Variants in EBF3 observed in about 807,000 individuals in gnomAD.
The protein encoded by EBF3 is transcription factor COE3.
A neutral mutation model predicts 77.1 loss-of-function variants in EBF3; 18 were observed. That is an observed-to-expected ratio of 0.23 (90% CI 0.16 to 0.35). The LOEUF is 0.35. EBF3 is among the 10% of genes least tolerant of loss of function. The pLI is 1.00. For synonymous variants in EBF3, 350 were observed against 343.5 expected (o/e 1.02, Z -0.21); for missense variants, 558 against 860.0 (o/e 0.65, Z 4.39).
intron 14 of EBF3, 51 bp downstream of exon 14, chr10:129,840,793 G>C: frequency 6.3e-7 from 1 of 1,575,272 alleles, no homozygotes; most frequent in Non-Finnish European, 8.6e-7. Flanking sequence ...CACTCGACTC[G>C]GTAGTGAATA....
rs1316001766 is a variant in EBF3, at chr10:129,947,238, C to G, written c.554+10020G>C. On this transcript the variant is annotated intron_variant, in intron 6 of 16. Transcript: ENST00000440978. This position sits in a 1 kb window ranked among gnomAD's most constrained non-coding sequence, Gnocchi z 4.5. ...CATCCCGGCACACTGATCTGATTTA[C>G]AAACCTTTCCTAATGGGAAACAAAT... Among the ~76,000 whole-genome samples, 1 of 152,244 alleles carries G rather than the reference C, an allele frequency of 6.6e-6. No homozygotes were observed. The highest frequency in any genetic ancestry group is 1.5e-5 in the Non-Finnish European group (1 of 68,054).
chr10:129,940,993 C>T (rs1857695407), intron 6 of EBF3, among the ~76,000 whole-genome samples: 1 of 152,202 alleles, frequency 6.6e-6, no homozygotes, highest in Admixed American at 6.5e-5. Flanking sequence ...TGGGACCCAC[C>T]CCAGCAGTGA....
At chr10:129,942,420 C>A (rs1484038361) in intron 6 of EBF3, among the ~76,000 whole-genome samples, 1 of 152,130 alleles carries the variant, frequency 6.6e-6, no homozygotes, top group Non-Finnish European at 1.5e-5. Flanking sequence ...AGGTAAATGC[C>A]AAACAAAACA....
chr10:129,865,536 C>T (rs1418719416), intron 10 of EBF3, among the ~76,000 whole-genome samples: 2 of 152,076 alleles, frequency 1.3e-5, no homozygotes, highest in African/African-American at 4.8e-5. Context: ...AGAAGGTGGC[C>T]CCTAGTGTGG....
chr10:129,852,923 A>T (rs1850996135), intron 10 of EBF3, among the ~76,000 whole-genome samples: 1 of 152,324 alleles, frequency 6.6e-6, no homozygotes, highest in East Asian at 1.9e-4. Context: ...CCGAGAGCAG[A>T]GGGAACTGCT....
intron 6 of EBF3, among the ~76,000 whole-genome samples, chr10:129,939,837 T>G (rs1347676946): frequency 6.6e-6 from 1 of 152,236 alleles, no homozygotes; most frequent in Non-Finnish European, 1.5e-5. Flanking sequence ...GAACCGACCT[T>G]ACGGTTGCAC....
chr10:129,932,595 G>A (rs1857096962), intron 6 of EBF3, among the ~76,000 whole-genome samples: 1 of 152,212 alleles, frequency 6.6e-6, no homozygotes, highest in Admixed American at 6.5e-5. Context: ...AGGGCAGGGG[G>A]CACATGGTGT....
rs1048460829 is a variant in EBF3 at position 129,944,241 on chromosome 10, G to A, written c.554+13017C>T. Among the ~76,000 whole-genome samples the A allele has an allele frequency of 1.2e-4, 18 of 152,152 alleles. No homozygotes were observed. The highest frequency in any genetic ancestry group is 1.6e-4 in the Non-Finnish European group (11 of 68,034). ...ACATTAAAATATATTGTTTATTTGC[G>A]GGTGGGGTCATTTCTCCTTTCAGAT... is the stretch of plus-strand genomic sequence containing the variant. On this transcript the variant is annotated intron_variant, in intron 6 of 16. Transcript: ENST00000440978. The surrounding 1 kb of genome is among the most constrained non-coding windows in gnomAD (Gnocchi z 5.1).
chr10:129,875,709 G>T (rs1056794529), intron 7 of EBF3, among the ~76,000 whole-genome samples: 6 of 152,238 alleles, frequency 3.9e-5, no homozygotes, highest in Non-Finnish European at 5.9e-5. Flanking sequence ...CCAGCCTTGG[G>T]TATCTCAGCA....
intron 5 of EBF3, 52 bp from the exon 6 acceptor site, chr10:129,957,378 C>T (rs376839458): frequency 2.6e-5 from 38 of 1,463,874 alleles, no homozygotes; most frequent in African/African-American, 1.5e-4. Flanking sequence ...CCCTTTTATG[C>T]CCGACTTGTA....
At chr10:129,871,917 A>C (rs942308099) in intron 8 of EBF3, among the ~76,000 whole-genome samples, 1 of 152,190 alleles carries the variant, frequency 6.6e-6, no homozygotes, top group Non-Finnish European at 1.5e-5. Context: ...ACAGGAAAAA[A>C]TCCTGAGCAA....
In EBF3 at chr10:129,897,680, T is replaced by C. The variant is rs1462663149; in HGVS notation, c.555-19831A>G. Among the ~76,000 whole-genome samples, 9 of 152,132 alleles carry C rather than the reference T, an allele frequency of 5.9e-5. No homozygotes were observed. The highest frequency in any genetic ancestry group is 4.6e-4 in the Admixed American group (7 of 15,278). ...CTGACGGACAGCTGACATTCTCCTA[T>C]TTATTATCAAGAAGTACAAGTTTTG... On this transcript the variant is annotated intron_variant, in intron 6 of 16. Transcript: ENST00000440978. This position sits in a 1 kb window ranked among gnomAD's most constrained non-coding sequence, Gnocchi z 4.6.
intron 6 of EBF3, among the ~76,000 whole-genome samples, chr10:129,880,489 GCACA>G (rs977985210): frequency 6.7e-6 from 1 of 150,234 alleles, no homozygotes; most frequent in Admixed American, 7.2e-5. Flanking sequence ...ACATACATAT[GCACA>G]CACACATACA....
chr10:129,913,247 C>T (rs951267591), intron 6 of EBF3, among the ~76,000 whole-genome samples: 2 of 152,252 alleles, frequency 1.3e-5, no homozygotes, highest in Non-Finnish European at 2.9e-5. Flanking sequence ...GATAACAAAA[C>T]ATTGTCATTA....
rs917757673 is a variant in EBF3 at position 129,861,353 on chromosome 10, C to A, written c.1039+5788G>T. Among the ~76,000 whole-genome samples, 1 of 152,192 alleles carries A rather than the reference C, an allele frequency of 6.6e-6. No homozygotes were observed. Among genetic ancestry groups the A allele is most frequent in the East Asian group, 1.9e-4 (1 of 5,190 alleles). On this transcript the variant is annotated intron_variant, in intron 10 of 16. Coordinates refer to ENST00000440978, the MANE Select transcript of EBF3 (RefSeq NM_001375380.1). The surrounding 1 kb of genome is among the most constrained non-coding windows in gnomAD (Gnocchi z 4.3). ...GAAAAAAAAAGTCACCCTTTGCCAT[C>A]CATATTTAAACAAAGGACAAAAACT...
intron 6 of EBF3, among the ~76,000 whole-genome samples, chr10:129,950,834 G>C (rs1039900830): frequency 2.0e-5 from 3 of 152,168 alleles, no homozygotes; most frequent in Non-Finnish European, 4.4e-5. Flanking sequence ...CTGACGGAGG[G>C]AATGGTTTTC....
rs560420474 is a variant in EBF3 at position 129,959,541 on chromosome 10, C to T, written c.412-534G>A. Among the ~76,000 whole-genome samples, 1,238 of 152,152 alleles carry T rather than the reference C, an allele frequency of 8.1e-3. 18 individuals carry two copies. The highest frequency in any genetic ancestry group is 0.028 in the African/African-American group (1,167 of 41,542). The stretch of plus-strand genomic sequence containing the variant: ...AGTTTGCCAAGGGCCGAGGGCCGCG[C>T]CCGCCCTGCCCTGCGCGCTCCCCCG... On this transcript the variant is annotated intron_variant, in intron 4 of 16. Coordinates refer to ENST00000440978, the MANE Select transcript of EBF3 (RefSeq NM_001375380.1).
chr10:129,840,297 G>A lies in EBF3; in HGVS notation c.1707C>T (p.Pro569=). 6.3e-7 allele frequency: 1 copy of A among 1,595,690 alleles called. No individual in the cohort carries two copies. The highest frequency in any genetic ancestry group is 1.7e-5 in the Admixed American group (1 of 57,456). The change falls in exon 15 of 17, where the codon CCC becomes CCT. Residue 569 remains proline (P), a synonymous_variant. Coordinates refer to ENST00000440978, the MANE Select transcript of EBF3 (RefSeq NM_001375380.1). ...TGCAGGAAGGAGGAGGAGAGGCTTG[G>A]GGCCGGACCACGGGCGCGAAGGCGC... is the stretch of plus-strand genomic sequence containing the variant. The part of the protein sequence containing the change: ...QKSAFAPVVR[P]QASPPPSCTS...
Position 129,842,762 on chromosome 10 carries a change from T to TAA in EBF3, c.1194+373_1194+374dup, listed in dbSNP as rs35249799. 0.65 allele frequency among the ~76,000 whole-genome samples: 72,805 copies of TAA among 112,344 alleles called. 24,139 individuals carry two copies. The highest frequency in any genetic ancestry group is 0.73 in the Non-Finnish European group (42,275 of 57,576). The allele number at this position is 112,344 out of a possible 152,430, so 73.7% of individuals were successfully genotyped here. A position where few individuals can be genotyped will look rare whatever the true frequency, so the allele number is the denominator to read the frequency against. On this transcript the variant is annotated intron_variant, in intron 12 of 16. Transcript: ENST00000440978. This position sits in a 1 kb window ranked among gnomAD's most constrained non-coding sequence, Gnocchi z 4.4. ...CTGGGTGACAGAGCAAGACCCTGTC[T>TAA]AAAAAAAAAAAAAAAAAAAGGGAGC...
Sources: gnomAD v4.1 joint callset for allele counts (sites outside exome capture counted in the v4.1 genomes callset) on GRCh38, gnomAD v4.1.1 for gene constraint, Gnocchi (gnomAD v3.1) non-coding constraint, MANE v1.5 for transcripts, NCBI Gene and HGNC (gene_info 2026-07-23, HGNC 2026-07-21) for gene names.